The following TNFAIP8L3 variants were observed in gnomAD, a reference collection of about 807,000 sequenced individuals.
TNFAIP8L3 encodes TNF alpha induced protein 8 like 3.
In TNFAIP8L3, 7 loss-of-function variants were observed where a neutral mutation model predicts 11.8. The observed-to-expected ratio is 0.59, with a 90% CI of 0.34 to 1.11. The LOEUF (loss-of-function observed/expected upper bound fraction) is 1.11. Ranked by LOEUF, TNFAIP8L3 falls within the 50% of genes most tolerant of loss-of-function variation. The pLI is 0.03. For missense variants in TNFAIP8L3, 219 were observed against 258.6 expected, an observed-to-expected ratio of 0.85 and a Z score of 1.05; for synonymous variants, 98 against 103.8, an observed-to-expected ratio of 0.94 and a Z score of 0.34.
At chr15:51,087,469 T>C (rs147874075) in intron 1 of TNFAIP8L3, among the ~76,000 whole-genome samples, 3 of 152,362 alleles carry the variant, frequency 2.0e-5, no homozygotes, top group South Asian at 4.1e-4. Flanking sequence ...TGGATGCTTC[T>C]ACTACAAAAA....
At position 51,058,027 on chromosome 15, in the gene TNFAIP8L3, T is replaced by A. The variant is rs201802390; in HGVS notation, c.469A>T (p.Thr157Ser). 3.1e-6 allele frequency: 5 copies of A among 1,614,188 alleles called. No homozygotes were observed. The East Asian group carries it at 1.1e-4, about 36-fold the overall frequency. Reference sequence around the variant, plus strand: ...AAGACGTGGTTGATGCGCCCGTGGGTCCTGGGCGTCAGGTGCCGCTGCACC... The same window carrying A: ...AAGACGTGGTTGATGCGCCCGTGGGACCTGGGCGTCAGGTGCCGCTGCACC... ...ELVQRHLTPRTHGRINHVFNH... is the reference protein window; with the variant it reads ...ELVQRHLTPRSHGRINHVFNH... The change falls in exon 2 of 2, where the codon ACC (threonine) becomes TCC (serine). Residue 157 changes from threonine to serine, a missense_variant. Physicochemically the swap from Thr to Ser is moderately conservative, Grantham distance 58. Coordinates refer to ENST00000637513, the MANE Select transcript of TNFAIP8L3 (RefSeq NM_001311175.2).
intron 1 of TNFAIP8L3, among the ~76,000 whole-genome samples, chr15:51,091,725 C>T (rs568685037): frequency 6.6e-6 from 1 of 150,514 alleles, no homozygotes; most frequent in Admixed American, 6.7e-5. Context: ...CACGTGCACA[C>T]ACCAGAGATA....
In TNFAIP8L3 at chr15:51,057,929, C is replaced by G. The variant is rs749602681; in HGVS notation, c.567G>C (p.Lys189Asn). ...ACTTATTGATTCCTTCACAAATCCT[C>G]TTGAGGTTGGGCCTACAGTCTCCAT... ...SLDGDCRPNL[K>N]RICEGINKLL... Residue 189 changes from lysine to asparagine, a missense_variant, in exon 2 of 2, where the codon AAG (lysine) becomes AAC (asparagine). Physicochemically the swap from Lys to Asn is moderately conservative, Grantham distance 94 (BLOSUM62 0). Transcript: ENST00000637513. The G allele has an allele frequency of 6.2e-7, 1 of 1,602,314 alleles. No homozygotes were observed. The highest frequency in any genetic ancestry group is 8.5e-7 in the Non-Finnish European group (1 of 1,176,006).
At chr15:51,087,919 T>TATATATATATATA (rs1555468325) in intron 1 of TNFAIP8L3, among the ~76,000 whole-genome samples, 1 of 101,562 alleles carries the variant, frequency 9.8e-6, no homozygotes, top group Non-Finnish European at 2.0e-5. Context: ...TAGCATACCT[T>TATATATATATATA]TATATATATA....
In TNFAIP8L3 at chr15:51,058,100, G is replaced by T; in HGVS notation, c.396C>A (p.Asn132Lys). ...FYEVEYTFDR[N>K]VLSNLLHECK... ...ACTCATGCAGGAGATTGGAGAGCAC[G>T]TTCCTATCGAAGGTGTATTCCACCT... is the stretch of plus-strand genomic sequence containing the variant. Residue 132 changes from asparagine (N) to lysine (K), a missense_variant, in exon 2 of 2, where the codon AAC becomes AAA. By Grantham distance (94) the Asn-to-Lys change is moderately conservative. Transcript: ENST00000637513. The T allele has an allele frequency of 6.2e-7, 1 of 1,614,130 alleles. No individual in the cohort carries two copies.
At chr15:51,079,220 G>A (rs2065375320) in intron 1 of TNFAIP8L3, among the ~76,000 whole-genome samples, 1 of 152,250 alleles carries the variant, frequency 6.6e-6, no homozygotes, top group Non-Finnish European at 1.5e-5. Flanking sequence ...CTGGGACACT[G>A]ACCTCTTACT....
At chr15:51,084,466 C>A (rs2065413375) in intron 1 of TNFAIP8L3, among the ~76,000 whole-genome samples, 1 of 152,174 alleles carries the variant, frequency 6.6e-6, no homozygotes, top group Non-Finnish European at 1.5e-5. Context: ...TAGCAAAAAT[C>A]TGCCATTTAC....
At chr15:51,096,619 C>T (rs1168245893), upstream of TNFAIP8L3, among the ~76,000 whole-genome samples, 4 of 152,218 alleles carry the variant, frequency 2.6e-5, no homozygotes, top group African/African-American at 7.2e-5. Flanking sequence ...GGGCCGGGCA[C>T]GGTGGCTCAC....
intron 1 of TNFAIP8L3, among the ~76,000 whole-genome samples, chr15:51,078,651 T>C (rs543561527): frequency 1.3e-5 from 2 of 151,680 alleles, no homozygotes; most frequent in Non-Finnish European, 2.9e-5. Context: ...GCTTGCCTGA[T>C]CCCTCCCCCT....
chr15:51,070,828 C>G (rs2065302978), intron 1 of TNFAIP8L3, among the ~76,000 whole-genome samples: 1 of 151,164 alleles, frequency 6.6e-6, no homozygotes, highest in Non-Finnish European at 1.5e-5. Context: ...GGGCGGATCA[C>G]GAGGTCAGGA....
chr15:51,077,063 G>A (rs1039484092), intron 1 of TNFAIP8L3, among the ~76,000 whole-genome samples: 1 of 152,024 alleles, frequency 6.6e-6, no homozygotes, highest in African/African-American at 2.4e-5. Context: ...GTAACACCTG[G>A]GGCATCGACC....
intron 1 of TNFAIP8L3, among the ~76,000 whole-genome samples, chr15:51,092,615 T>C (rs895042480): frequency 6.6e-6 from 1 of 152,106 alleles, no homozygotes; most frequent in Admixed American, 6.5e-5. Flanking sequence ...TGCAAACAAA[T>C]AGTGACAGCT....
chr15:51,087,737 T>C (rs2065439646), intron 1 of TNFAIP8L3, among the ~76,000 whole-genome samples: 1 of 151,930 alleles, frequency 6.6e-6, no homozygotes, highest in Non-Finnish European at 1.5e-5. Flanking sequence ...CTTCCATTTT[T>C]ACAGTATGCA....
intron 1 of TNFAIP8L3, among the ~76,000 whole-genome samples, chr15:51,101,362 C>T (rs1233550749): frequency 6.6e-6 from 1 of 152,186 alleles, no homozygotes; most frequent in African/African-American, 2.4e-5. Flanking sequence ...TGGCTCACGC[C>T]TGTAATCCCA....
intron 1 of TNFAIP8L3, among the ~76,000 whole-genome samples, chr15:51,062,123 A>C (rs1475742267): frequency 6.6e-6 from 1 of 151,982 alleles, no homozygotes; most frequent in Non-Finnish European, 1.5e-5. Flanking sequence ...AAAATACAAA[A>C]ATTAGCTGGG....
intron 1 of TNFAIP8L3, among the ~76,000 whole-genome samples, chr15:51,101,945 CAAA>C (rs11297566): frequency 2.3e-4 from 20 of 85,680 alleles, no homozygotes; most frequent in South Asian, 1.3e-3. Flanking sequence ...GACTCTGTCT[CAAA>C]AAAAAAAAAA....
intron 1 of TNFAIP8L3, among the ~76,000 whole-genome samples, chr15:51,085,242 G>T (rs117781673): frequency 0.016 from 2,417 of 152,178 alleles, 26 homozygotes; most frequent in Admixed American, 0.029. Flanking sequence ...AGAACTAGTG[G>T]CCAATAAACT....
chr15:51,073,236 T>A (rs775096567), intron 1 of TNFAIP8L3, among the ~76,000 whole-genome samples: 1 of 152,198 alleles, frequency 6.6e-6, no homozygotes, highest in Non-Finnish European at 1.5e-5. Flanking sequence ...CCTCAGGTGA[T>A]CTGCCTGCCT....
At position 51,057,993 on chromosome 15, in the gene TNFAIP8L3, A is replaced by T; in HGVS notation, c.503T>A (p.Phe168Tyr). 6.2e-7 allele frequency: 1 copy of T among 1,614,222 alleles called. No homozygotes were observed. Among genetic ancestry groups the T allele is most frequent in the South Asian group, 1.1e-5 (1 of 91,084 alleles). ...HGRINHVFNH[F>Y]ADVEFLSTLY... ...GGTGGAGAGGAACTCCACATCGGCA[A>T]AGTGGTTAAAGACGTGGTTGATGCG... The change falls in exon 2 of 2, where the codon TTT (phenylalanine) becomes TAT (tyrosine). Residue 168 changes from phenylalanine (F) to tyrosine (Y), a missense_variant. Physicochemically the swap from Phe to Tyr is conservative, Grantham distance 22. Coordinates refer to ENST00000637513, the MANE Select transcript of TNFAIP8L3 (RefSeq NM_001311175.2).
Sources: gnomAD v4.1 joint callset for allele counts (sites outside exome capture counted in the v4.1 genomes callset) on GRCh38, gnomAD v4.1.1 for gene constraint, MANE v1.5 for transcripts, NCBI Gene and HGNC (gene_info 2026-07-23, HGNC 2026-07-21) for gene names.